The following EXT2 variants were observed in gnomAD, a reference collection of about 807,000 sequenced individuals.
The protein encoded by EXT2 is exostosin-2.
In EXT2, 53 loss-of-function variants were observed where a neutral mutation model predicts 81.6. The ratio of observed to expected loss-of-function variants is 0.65; its 90% confidence interval spans 0.52 to 0.82. The LOEUF is 0.82. EXT2 is among the 40% of genes least tolerant of loss of function. The pLI is 0.00. For synonymous variants in EXT2, 320 were observed against 340.0 expected, an observed-to-expected ratio of 0.94 and a Z score of 0.65; for missense variants, 774 against 910.2, an observed-to-expected ratio of 0.85 and a Z score of 1.93.
intron 5 of EXT2, among the ~76,000 whole-genome samples, chr11:44,126,230 G>A (rs1306292178): frequency 6.6e-6 from 1 of 152,122 alleles, no homozygotes; most frequent in Non-Finnish European, 1.5e-5. Context: ...TTTTTCATTA[G>A]ATTTTTTTTA....
chr11:44,148,127 C>T (rs1954745488), intron 7 of EXT2, among the ~76,000 whole-genome samples: 1 of 152,084 alleles, frequency 6.6e-6, no homozygotes. Context: ...TTTTTATATT[C>T]TCTAGTAAGG....
intron 7 of EXT2, among the ~76,000 whole-genome samples, chr11:44,170,894 T>G (rs969615880): frequency 1.3e-5 from 2 of 151,866 alleles, no homozygotes; most frequent in African/African-American, 4.8e-5. Context: ...AGATGGCTTC[T>G]TTGAGGAATT....
intron 9 of EXT2, among the ~76,000 whole-genome samples, chr11:44,206,016 GCACGTCATGGGT>G (rs1955578493): frequency 6.6e-6 from 1 of 152,086 alleles, no homozygotes; most frequent in Non-Finnish European, 1.5e-5. Context: ...AAAATGTAAG[GCACGTCATGGGT>G]TGGTGTTTCT....
intron 8 of EXT2, among the ~76,000 whole-genome samples, chr11:44,173,276 AG>A (rs1955103349): frequency 6.6e-6 from 1 of 152,162 alleles, no homozygotes; most frequent in African/African-American, 2.4e-5. Context: ...GTTTTGCTTG[AG>A]GTGAAGTTTG....
At position 44,250,441 on chromosome 11, in the gene EXT2, C is replaced by G. The variant is rs1379946588; in HGVS notation, c.*6154C>G. ...TGGAATGATGTATCATATCTCTTCC[C>G]CTTTTATTAACCAGATCGTTTACCA... On this transcript the variant is annotated 3_prime_UTR_variant, in exon 14 of 14. Coordinates refer to ENST00000533608, the MANE Select transcript of EXT2 (RefSeq NM_207122.2). Among the ~76,000 whole-genome samples the G allele has an allele frequency of 6.6e-6, 1 of 152,182 alleles. No individual in the cohort carries two copies.
intron 10 of EXT2, among the ~76,000 whole-genome samples, chr11:44,221,746 G>A (rs773865199): frequency 2.6e-5 from 4 of 152,286 alleles, no homozygotes; most frequent in East Asian, 1.9e-4. Flanking sequence ...CACTCAAGAC[G>A]GCAGTGTATG....
rs34084767 is a variant in EXT2, at chr11:44,130,075, G to T, written c.1110G>T (p.Met370Ile). 9.6e-4 allele frequency: 1,544 copies of T among 1,614,152 alleles called. 13 individuals are homozygous for T. In the African/African-American group the frequency reaches 0.018, roughly 19 times the overall value. ...CTGTGGTTGTACCAGAAGAAAAGAT[G>T]TCAGATGTGTACAGTATTTTGCAGA... ...RASVVVPEEK[M>I]SDVYSILQSI... Residue 370 changes from methionine to isoleucine, a missense_variant, in exon 7 of 14, where the codon ATG becomes ATT. Met to Ile is a conservative substitution (Grantham distance 10, BLOSUM62 1). Around this residue, in one of 2 missense-constraint regions of EXT2, gnomAD observed 626 missense variants for 670.5 expected, o/e 0.93. Coordinates refer to ENST00000533608, the MANE Select transcript of EXT2 (RefSeq NM_207122.2).
At chr11:44,160,639 A>G (rs1000023977) in intron 7 of EXT2, among the ~76,000 whole-genome samples, 1 of 152,230 alleles carries the variant, frequency 6.6e-6, no homozygotes, top group African/African-American at 2.4e-5. Flanking sequence ...AGATATGTTA[A>G]GTGCAACGGA....
chr11:44,128,595 G>T (rs888216200), intron 6 of EXT2, among the ~76,000 whole-genome samples: 2 of 152,266 alleles, frequency 1.3e-5, no homozygotes, highest in South Asian at 4.1e-4. Flanking sequence ...CCAGGAGGAG[G>T]GGGAGACACA....
chr11:44,173,014 C>T lies in EXT2; in HGVS notation c.1305+1272C>T, dbSNP rs1955098948. On this transcript the variant is annotated intron_variant, in intron 8 of 13. Transcript: ENST00000533608. ...TTTGAAATGGTTACTGGGTTTTAGGCACTCTGAGAGGTGTTGAGAATACAG... is the reference window on the plus strand; with the variant it reads ...TTTGAAATGGTTACTGGGTTTTAGGTACTCTGAGAGGTGTTGAGAATACAG... Among the ~76,000 whole-genome samples the T allele has an allele frequency of 3.3e-5, 5 of 152,162 alleles. 1 individual carries two copies. In the South Asian group the frequency reaches 8.3e-4, roughly 25 times the overall value.
rs762473322 is a variant in EXT2, at chr11:44,234,225, G to A, written c.1917G>A (p.Thr639=). ...TGAACTTCCTGGTGGCCAACGTCAC[G>A]GGAAAAGCAGTTATCAAGGTAGGAG... ...IAMNFLVANV[T]GKAVIKVTPR... The change falls in exon 12 of 14, where the codon ACG becomes ACA. Residue 639 remains threonine, a synonymous_variant. Coordinates refer to ENST00000533608, the MANE Select transcript of EXT2 (RefSeq NM_207122.2). The A allele has an allele frequency of 1.7e-5, 27 of 1,613,902 alleles. No homozygotes were observed. The highest frequency in any genetic ancestry group is 9.3e-5 in the African/African-American group (7 of 74,906).
chr11:44,139,198 CT>C lies in EXT2; in HGVS notation c.1173+9073del, dbSNP rs34792656. Among the ~76,000 whole-genome samples, 1,085 of 134,632 alleles carry C rather than the reference CT, an allele frequency of 8.1e-3. 7 individuals are homozygous for C. Among genetic ancestry groups the C allele is most frequent in the African/African-American group, 0.021 (776 of 36,728 alleles). 88.3% of individuals were successfully genotyped at this position (134,632 alleles called of 152,430 possible). A position where few individuals can be genotyped will look rare whatever the true frequency, so the allele number is the denominator to read the frequency against. On this transcript the variant is annotated intron_variant, in intron 7 of 13. Transcript: ENST00000533608. ...AAAAATCAGTGACTCTTTAGCTGAC[CT>C]TTTTTTTTTTTTAATTCATTGGCAC...
intron 6 of EXT2, among the ~76,000 whole-genome samples, chr11:44,129,271 C>A (rs1338628342): frequency 6.6e-6 from 1 of 152,236 alleles, no homozygotes; most frequent in Admixed American, 6.5e-5. Context: ...TTATATCATG[C>A]TTTTGCCCAA....
intron 4 of EXT2, among the ~76,000 whole-genome samples, chr11:44,122,565 GA>G (rs1423803768): frequency 6.6e-6 from 1 of 152,196 alleles, no homozygotes; most frequent in Admixed American, 6.5e-5. Flanking sequence ...TTAGTGTCTA[GA>G]AAGAATACTT....
Position 44,116,627 on chromosome 11 carries a change from C to T in EXT2, c.743+2326C>T, listed in dbSNP as rs1362417708. ...TGCACCATTTCACATTCCCACCAGC[C>T]ATGTATGAGGGTTTCGATTTCCCCA... On this transcript the variant is annotated intron_variant, in intron 4 of 13. Coordinates refer to ENST00000533608, the MANE Select transcript of EXT2 (RefSeq NM_207122.2). 3.9e-5 allele frequency: 6 copies of T among 152,350 alleles called. 1 individual carries two copies. The South Asian group carries it at 1.2e-3, about 32-fold the overall frequency. The allele number at this position is 152,350 out of a possible 1,614,324, so 9.4% of individuals were successfully genotyped here. A position where few individuals can be genotyped will look rare whatever the true frequency, so the allele number is the denominator to read the frequency against.
chr11:44,134,034 GA>G (rs1954530968), intron 7 of EXT2, among the ~76,000 whole-genome samples: 1 of 152,150 alleles, frequency 6.6e-6, no homozygotes, highest in Admixed American at 6.5e-5. Flanking sequence ...TAAGACTTTT[GA>G]AAAAAAGTAC....
intron 7 of EXT2, among the ~76,000 whole-genome samples, chr11:44,171,244 G>T (rs1171569525): frequency 1.3e-5 from 2 of 152,182 alleles, no homozygotes; most frequent in African/African-American, 2.4e-5. Context: ...AATTGTAAGA[G>T]TATGTACATA....
At chr11:44,111,867 T>C (rs1398918358) in intron 3 of EXT2, among the ~76,000 whole-genome samples, 4 of 151,982 alleles carry the variant, frequency 2.6e-5, no homozygotes, top group Admixed American at 2.6e-4. Flanking sequence ...TCAAAAAATG[T>C]AACTAACTAT....
chr11:44,247,686 A>C lies in EXT2; in HGVS notation c.*3399A>C, dbSNP rs1956107484. On this transcript the variant is annotated 3_prime_UTR_variant, in exon 14 of 14. Transcript: ENST00000533608. Reference sequence around the variant, plus strand: ...CTGGTTTCTCTGCTGCCTTTGGAAAATAGTGACCATCATGCTGGTCTGTGC... The same window carrying C: ...CTGGTTTCTCTGCTGCCTTTGGAAACTAGTGACCATCATGCTGGTCTGTGC... Among the ~76,000 whole-genome samples, 2 of 152,140 alleles carry C rather than the reference A, an allele frequency of 1.3e-5. No individual in the cohort carries two copies.
Sources: gnomAD v4.1 joint callset for allele counts (sites outside exome capture counted in the v4.1 genomes callset) on GRCh38, gnomAD v4.1.1 for gene constraint, gnomAD v4.1.1 regional missense constraint, MANE v1.5 for transcripts, NCBI Gene and HGNC (gene_info 2026-07-23, HGNC 2026-07-21) for gene names.